SMG6: variants seen among roughly 807,000 people sequenced by gnomAD.
SMG6 encodes the protein SMG6 nonsense mediated mRNA decay factor, also known as telomerase-binding protein EST1A.
Under a neutral mutation model 142.2 loss-of-function variants are expected in SMG6, and 66 were observed. That is an observed-to-expected ratio of 0.46 (90% CI 0.38 to 0.57). SMG6 has a LOEUF of 0.57. Ranked by LOEUF, SMG6 falls within the 20% of genes least tolerant of loss-of-function variation. The pLI is 0.00. For missense variants in SMG6, 1,793 were observed against 1,832.0 expected (o/e 0.98, Z 0.39); for synonymous variants, 779 against 702.4 (o/e 1.11, Z -1.72).
rs188848314 is a variant in SMG6 at position 2,177,689 on chromosome 17, G to A, written c.3156-4830C>T. On this transcript the variant is annotated intron_variant, in intron 12 of 18. Transcript: ENST00000263073. ...AAGAAGCCGTGCATTGTGTTTCAGA[G>A]CTATGGAAGATCAGAGAAGCAGTAC... is the stretch of plus-strand genomic sequence containing the variant. 2.1e-3 allele frequency among the ~76,000 whole-genome samples: 315 copies of A among 152,318 alleles called. 2 individuals are homozygous for A. Among genetic ancestry groups the A allele is most frequent in the African/African-American group, 5.4e-3 (224 of 41,570 alleles).
intron 10 of SMG6, among the ~76,000 whole-genome samples, chr17:2,227,804 G>A (rs562277445): frequency 6.1e-4 from 93 of 152,292 alleles, no homozygotes; most frequent in Admixed American, 1.4e-3. Flanking sequence ...AATAACTGCA[G>A]TAACCATCAA....
chr17:2,303,350 G>A, intron 1 of SMG6: 1 of 1,193,076 alleles, frequency 8.4e-7, no homozygotes, highest in Non-Finnish European at 1.0e-6. Flanking sequence ...GCGGGTCTGA[G>A]AGGGCTGGGG....
At chr17:2,167,598 A>T (rs1480629172) in intron 13 of SMG6, among the ~76,000 whole-genome samples, 2 of 152,232 alleles carry the variant, frequency 1.3e-5, no homozygotes, top group Non-Finnish European at 2.9e-5. Context: ...AAATTCACTT[A>T]TGGTGCCACT....
chr17:2,135,898 G>A (rs2070279611), intron 13 of SMG6, among the ~76,000 whole-genome samples: 2 of 150,020 alleles, frequency 1.3e-5, no homozygotes, highest in South Asian at 4.2e-4. Flanking sequence ...TGTTGTCCAG[G>A]CTGGTCTTGA....
In SMG6 at chr17:2,236,559, A is replaced by C; in HGVS notation, c.2802T>G (p.Ile934Met). 6.2e-7 allele frequency: 1 copy of C among 1,613,758 alleles called. No homozygotes were observed. Among genetic ancestry groups the C allele is most frequent in the East Asian group, 2.2e-5 (1 of 44,870 alleles). ...QVLLQHSPSP[I>M]GSTRMLQLMT... ...TAAGCTGCAGCATGCGGGTACTTCC[A>C]ATGGGAGAGGGGCTGTGCTGCAGTA... is the stretch of plus-strand genomic sequence containing the variant. The change falls in exon 10 of 19, where the codon ATT (isoleucine) becomes ATG (methionine). Residue 934 changes from isoleucine (I) to methionine (M), a missense_variant. Transcript: ENST00000263073.
chr17:2,081,936 T>A lies in SMG6; in HGVS notation c.3555A>T (p.Glu1185Asp), dbSNP rs776457967. 6.2e-7 allele frequency: 1 copy of A among 1,614,160 alleles called. No homozygotes were observed. Among genetic ancestry groups the A allele is most frequent in the East Asian group, 2.2e-5 (1 of 44,886 alleles). Residue 1185 changes from glutamate (E) to aspartate (D), a missense_variant, in exon 15 of 19, where the codon GAA becomes GAT. Transcript: ENST00000263073. ...CAGCCTCTGAATCTTCCTCAAAGTCTTCAATCACCACATCCTCCTCCTTTG... is the reference window on the plus strand; with the variant it reads ...CAGCCTCTGAATCTTCCTCAAAGTCATCAATCACCACATCCTCCTCCTTTG... ...LEDEEEDVVI[E>D]DFEEDSEAEG... is the part of the protein sequence containing the mutation.
At chr17:2,192,026 A>G (rs2072179549) in intron 10 of SMG6, among the ~76,000 whole-genome samples, 1 of 152,222 alleles carries the variant, frequency 6.6e-6, no homozygotes, top group Non-Finnish European at 1.5e-5. Context: ...AGTGATAAAC[A>G]CGTCCCCTCT....
intron 13 of SMG6, among the ~76,000 whole-genome samples, chr17:2,115,197 T>C (rs901259288): frequency 2.6e-5 from 4 of 151,990 alleles, no homozygotes; most frequent in African/African-American, 9.7e-5. Context: ...TAGTCTACTC[T>C]AGCAAACAGA....
intron 15 of SMG6, among the ~76,000 whole-genome samples, chr17:2,072,287 G>C (rs2068125829): frequency 6.6e-6 from 1 of 152,180 alleles, no homozygotes; most frequent in Non-Finnish European, 1.5e-5. Flanking sequence ...CCTTCTAACA[G>C]CAGCTGAGGT....
At chr17:2,110,081 C>CAAAAAAAAAAAAAAAAAAAAA (rs57135671) in intron 13 of SMG6, among the ~76,000 whole-genome samples, 2 of 87,916 alleles carry the variant, frequency 2.3e-5, no homozygotes, top group Non-Finnish European at 6.0e-5. Context: ...GATTCCATCT[C>CAAAAAAAAAAAAAAAAAAAAA]AAAAAAAAAA....
intron 13 of SMG6, among the ~76,000 whole-genome samples, chr17:2,150,937 C>T (rs1000155614): frequency 6.6e-6 from 1 of 151,944 alleles, no homozygotes; most frequent in African/African-American, 2.4e-5. Flanking sequence ...TCCACCTCTA[C>T]CTGTACATCT....
intron 13 of SMG6, among the ~76,000 whole-genome samples, chr17:2,149,874 T>C (rs1391109127): frequency 6.6e-6 from 1 of 152,232 alleles, no homozygotes; most frequent in Admixed American, 6.5e-5. Context: ...GACTTTAATG[T>C]TTCCACCGGG....
At chr17:2,088,647 T>G in intron 13 of SMG6, 6 of 985,422 alleles carry the variant, frequency 6.1e-6, no homozygotes, top group Non-Finnish European at 7.2e-6. Context: ...TACCCTGTCC[T>G]TTGCAATCCA....
intron 1 of SMG6, among the ~76,000 whole-genome samples, chr17:2,302,610 A>C (rs527954877): frequency 2.6e-5 from 4 of 152,356 alleles, no homozygotes; most frequent in African/African-American, 9.6e-5. Flanking sequence ...AAATGGAAAC[A>C]AGCCCAAAAC....
rs766886765 is a variant in SMG6 at position 2,172,844 on chromosome 17, T to C, written c.3171A>G (p.Val1057=). ...LDLPSHVAVD[V]WSTLADFCNI... is the part of the protein sequence containing the mutation. ...TACAGAAATCAGCCAGCGTCGACCA[T>C]ACATCCACAGCAACACTGTGAGAAA... The change falls in exon 13 of 19, where the codon GTA becomes GTG. Residue 1057 remains valine, a synonymous_variant. Coordinates refer to ENST00000263073, the MANE Select transcript of SMG6 (RefSeq NM_017575.5). The C allele has an allele frequency of 2.5e-6, 4 of 1,613,942 alleles. No homozygotes were observed. The highest frequency in any genetic ancestry group is 4.5e-5 in the East Asian group (2 of 44,894).
At chr17:2,281,687 A>C (rs1002120215) in intron 8 of SMG6, among the ~76,000 whole-genome samples, 1 of 152,204 alleles carries the variant, frequency 6.6e-6, no homozygotes, top group Non-Finnish European at 1.5e-5. Context: ...TAAAGCATCC[A>C]ATAGCTTCCT....
At chr17:2,205,209 C>T (rs1230225401) in intron 10 of SMG6, among the ~76,000 whole-genome samples, 1 of 152,054 alleles carries the variant, frequency 6.6e-6, no homozygotes, top group Non-Finnish European at 1.5e-5. Flanking sequence ...GCTGGGATTA[C>T]AGGTGCTCAC....
At chr17:2,170,374 C>G (rs1444149894) in intron 13 of SMG6, among the ~76,000 whole-genome samples, 1 of 152,214 alleles carries the variant, frequency 6.6e-6, no homozygotes, top group African/African-American at 2.4e-5. Flanking sequence ...TAGGACTCTT[C>G]TACTCAGCAC....
chr17:2,111,720 C>T (rs767501415), intron 13 of SMG6, among the ~76,000 whole-genome samples: 4 of 152,032 alleles, frequency 2.6e-5, no homozygotes, highest in East Asian at 1.9e-4. Context: ...GTCCTTAGAG[C>T]GGGTTTCTTG....
Sources: allele counts gnomAD v4.1 joint callset (sites outside exome capture counted in the v4.1 genomes callset), GRCh38; gene constraint gnomAD v4.1.1; transcripts MANE v1.5; gene names NCBI Gene and HGNC (gene_info 2026-07-23, HGNC 2026-07-21).